Variants in ARHGEF28 observed in about 807,000 individuals in gnomAD.
The protein encoded by ARHGEF28 is Rho guanine nucleotide exchange factor 28.
ARHGEF28 carries 152 observed loss-of-function variants against 206.6 expected under a neutral mutation model. That is an observed-to-expected ratio of 0.74 (90% confidence interval 0.64 to 0.84). ARHGEF28 has a LOEUF of 0.84. ARHGEF28 is among the 40% of genes least tolerant of loss of function. The pLI, the probability that ARHGEF28 is intolerant of heterozygous loss-of-function variation, is 0.00. For missense variants in ARHGEF28, 2,028 were observed against 2,073.2 expected, an observed-to-expected ratio of 0.98 and a Z score of 0.42; for synonymous variants, 763 against 776.4, an observed-to-expected ratio of 0.98 and a Z score of 0.29.
At chr5:73,892,413 G>A (rs115221532) in intron 27 of ARHGEF28, among the ~76,000 whole-genome samples, 183 bp downstream of exon 27, 4,515 of 152,090 alleles carry the variant, frequency 0.03, 82 homozygotes, top group South Asian at 0.053. Context: ...TGCATGTAAT[G>A]CCTGCACCTC....
chr5:73,813,583 A>T (rs1199959125), intron 9 of ARHGEF28: 1 of 1,535,516 alleles, frequency 6.5e-7, no homozygotes, highest in Non-Finnish European at 8.7e-7. Context: ...TCACCAAAAC[A>T]AAAAGATGGA....
chr5:73,655,745 A>G (rs1010388553), intron 1 of ARHGEF28, among the ~76,000 whole-genome samples: 1 of 152,220 alleles, frequency 6.6e-6, no homozygotes, highest in Admixed American at 6.5e-5. Flanking sequence ...TGGGCCGCCC[A>G]GTTCTTAGTC....
chr5:73,693,913 G>A (rs1294057934), intron 2 of ARHGEF28, among the ~76,000 whole-genome samples: 1 of 312 alleles, frequency 3.2e-3, no homozygotes, highest in Non-Finnish European at 5.1e-3. Context: ...CAAAGCAGCA[G>A]TTCTAGCCAT....
intron 9 of ARHGEF28, among the ~76,000 whole-genome samples, chr5:73,831,579 A>G (rs1757303653): frequency 6.6e-6 from 1 of 152,386 alleles, no homozygotes; most frequent in South Asian, 2.1e-4. Flanking sequence ...ATAGAGGGTC[A>G]TTGAATCTGA....
At chr5:73,779,960 A>G (rs1224694736) in intron 6 of ARHGEF28, among the ~76,000 whole-genome samples, 1 of 152,208 alleles carries the variant, frequency 6.6e-6, no homozygotes, top group African/African-American at 2.4e-5. Context: ...TAAGGGACCT[A>G]TGTCAGTTAT....
chr5:73,776,434 CA>C (rs1299521408), intron 5 of ARHGEF28, 81 bp from the exon 6 acceptor site: 9 of 1,286,432 alleles, frequency 7.0e-6, no homozygotes, highest in African/African-American at 4.4e-5. Context: ...TTTGTAAGAT[CA>C]GGGGCAGTGA....
chr5:73,668,427 G>T (rs1414769552), intron 1 of ARHGEF28, among the ~76,000 whole-genome samples: 1 of 152,208 alleles, frequency 6.6e-6, no homozygotes, highest in African/African-American at 2.4e-5. Flanking sequence ...TGGCAAGAGA[G>T]CATGACAGAG....
At chr5:73,631,858 A>G (rs1029987246) in intron 1 of ARHGEF28, among the ~76,000 whole-genome samples, 2 of 152,154 alleles carry the variant, frequency 1.3e-5, no homozygotes, top group African/African-American at 4.8e-5. Flanking sequence ...AGCCCAGCTT[A>G]AACCACTTTC....
In ARHGEF28 at chr5:73,885,728, G is replaced by C. The variant is rs913098113; in HGVS notation, c.3056-122G>C. 44 of 1,085,988 alleles carry C rather than the reference G, an allele frequency of 4.1e-5. No individual in the cohort carries two copies. The African/African-American group carries it at 6.8e-4, about 17-fold the overall frequency. The allele number at this position is 1,085,988 out of a possible 1,614,324, so 67.3% of individuals were successfully genotyped here. On this transcript the variant is annotated intron_variant, in intron 24 of 35. Coordinates refer to ENST00000513042, the MANE Select transcript of ARHGEF28 (RefSeq NM_001177693.2). ...AGTTTAATCCAACATTTTTCTTATG[G>C]GATTTTTATTGTTTAGATGATACAT...
At chr5:73,667,440 C>G (rs1401435929) in intron 1 of ARHGEF28, among the ~76,000 whole-genome samples, 1 of 152,156 alleles carries the variant, frequency 6.6e-6, no homozygotes, top group Non-Finnish European at 1.5e-5. Context: ...CCCAAGGATG[C>G]CCTGGTCCTT....
chr5:73,686,481 TA>T (rs1438023874), intron 2 of ARHGEF28, among the ~76,000 whole-genome samples: 1 of 150,970 alleles, frequency 6.6e-6, no homozygotes, highest in Non-Finnish European at 1.5e-5. Flanking sequence ...ATGAACCAAA[TA>T]AAAACAAAAA....
At chr5:73,929,673 C>T (rs2973535) in intron 35 of ARHGEF28, among the ~76,000 whole-genome samples, 134,443 of 152,190 alleles carry the variant, frequency 0.88, 59,634 homozygotes, top group East Asian at 0.98. Flanking sequence ...TTCAGATCTT[C>T]GCCTTTTTGC....
chr5:73,776,815 G>A (rs1753572818), intron 6 of ARHGEF28, 119 bp downstream of exon 6: 1 of 864,780 alleles, frequency 1.2e-6, no homozygotes, highest in Non-Finnish European at 1.7e-6. Flanking sequence ...AAACCTTGGG[G>A]GACATGAAAT....
intron 2 of ARHGEF28, among the ~76,000 whole-genome samples, chr5:73,731,869 A>T (rs1750641311): frequency 6.6e-6 from 1 of 152,092 alleles, no homozygotes; most frequent in African/African-American, 2.4e-5. Flanking sequence ...CTCATTTCTG[A>T]ATTAAGGGAC....
chr5:73,812,024 A>G (rs2112519945), intron 9 of ARHGEF28, among the ~76,000 whole-genome samples: 1 of 149,946 alleles, frequency 6.7e-6, no homozygotes. Flanking sequence ...ATGTATCAGT[A>G]TTTCTTTCCA....
chr5:73,713,477 G>T (rs1749377411), intron 2 of ARHGEF28, among the ~76,000 whole-genome samples: 1 of 152,146 alleles, frequency 6.6e-6, no homozygotes, highest in Admixed American at 6.5e-5. Context: ...TGTACTTGAT[G>T]GGGAGAGTGA....
intron 2 of ARHGEF28, among the ~76,000 whole-genome samples, chr5:73,706,123 A>C (rs140925593): frequency 1.3e-5 from 2 of 152,210 alleles, no homozygotes; most frequent in Admixed American, 1.3e-4. Context: ...ACACTCCTTC[A>C]GGCAGCCTTC....
At chr5:73,920,139 G>A (rs962621562) in intron 35 of ARHGEF28, among the ~76,000 whole-genome samples, 3 of 152,194 alleles carry the variant, frequency 2.0e-5, no homozygotes, top group African/African-American at 7.2e-5. Context: ...CAGAGAAATG[G>A]GGTGTGTGAT....
chr5:73,644,050 C>CA (rs1485559521), intron 1 of ARHGEF28, among the ~76,000 whole-genome samples: 13 of 106,462 alleles, frequency 1.2e-4, no homozygotes, highest in East Asian at 2.6e-4. Flanking sequence ...GTCTTATAGA[C>CA]AGCATCAGAT....
Sources: allele counts gnomAD v4.1 joint callset (sites outside exome capture counted in the v4.1 genomes callset), GRCh38; gene constraint gnomAD v4.1.1; transcripts MANE v1.5; gene names NCBI Gene and HGNC (gene_info 2026-07-23, HGNC 2026-07-21).